PARP8: variants seen among roughly 807,000 people sequenced by gnomAD.
PARP8 encodes protein mono-ADP-ribosyltransferase PARP8.
A neutral mutation model predicts 124.1 loss-of-function variants in PARP8; 51 were observed. The ratio of observed to expected loss-of-function variants is 0.41; its 90% CI spans 0.33 to 0.52. PARP8 has a LOEUF of 0.52. Among genes scored for constraint, PARP8 ranks in the 20% least tolerant of loss-of-function variants. PARP8 has a pLI of 0.21. For missense variants in PARP8, 860 were observed against 1,018.9 expected (o/e 0.84, Z 2.12); for synonymous variants, 391 against 361.5 (o/e 1.08, Z -0.93).
chr5:50,684,239 T>C (rs1751609256), intron 2 of PARP8, among the ~76,000 whole-genome samples: 1 of 152,154 alleles, frequency 6.6e-6, no homozygotes, highest in Non-Finnish European at 1.5e-5. Flanking sequence ...TAAATTAGCA[T>C]AGAAAAGAGG....
intron 2 of PARP8, among the ~76,000 whole-genome samples, chr5:50,700,967 CT>C (rs1279595346): frequency 6.6e-6 from 1 of 152,058 alleles, no homozygotes; most frequent in Admixed American, 6.6e-5. Context: ...CTTCTTGATG[CT>C]ATTGGAGTTT....
intron 7 of PARP8, among the ~76,000 whole-genome samples, chr5:50,763,659 A>G (rs1250573617): frequency 6.6e-6 from 1 of 151,952 alleles, no homozygotes; most frequent in Non-Finnish European, 1.5e-5. Flanking sequence ...GTAACTTTGC[A>G]CAGTACTTGT....
At position 50,794,199 on chromosome 5, in the gene PARP8, A is replaced by G; in HGVS notation, c.738-8A>G. On this transcript the variant is annotated splice_polypyrimidine_tract_variant and splice_region_variant and intron_variant, in intron 10 of 25. Transcript: ENST00000281631. ...ATGGTGATAACAGAATTACCTTTGG[A>G]TTGACAGAATCATGCAGACATTTGT... The G allele has an allele frequency of 1.2e-6, 2 of 1,608,654 alleles. No homozygotes were observed. The highest frequency in any genetic ancestry group is 1.7e-6 in the Non-Finnish European group (2 of 1,177,040).
At chr5:50,812,968 C>G (rs1200841643) in intron 14 of PARP8, among the ~76,000 whole-genome samples, 1 of 152,100 alleles carries the variant, frequency 6.6e-6, no homozygotes, top group African/African-American at 2.4e-5. Flanking sequence ...TGTTTTGGTA[C>G]CAGTACCATG....
chr5:50,683,338 A>G (rs1020027546), intron 2 of PARP8, among the ~76,000 whole-genome samples: 7 of 152,194 alleles, frequency 4.6e-5, no homozygotes, highest in Admixed American at 4.6e-4. Flanking sequence ...AAAGTAGTGC[A>G]GTTAACTCCC....
At chr5:50,776,988 A>G (rs578198673) in intron 7 of PARP8, among the ~76,000 whole-genome samples, 8 of 152,306 alleles carry the variant, frequency 5.3e-5, no homozygotes, top group Admixed American at 1.3e-4. Flanking sequence ...CATCTGCAAA[A>G]TGAATGTCGT....
chr5:50,680,946 A>T (rs1043996162), intron 2 of PARP8, among the ~76,000 whole-genome samples: 7 of 152,174 alleles, frequency 4.6e-5, no homozygotes, highest in African/African-American at 1.7e-4. Flanking sequence ...TTGACAAGGC[A>T]TCTGACTACC....
At chr5:50,693,588 T>G (rs1350770233) in intron 2 of PARP8, among the ~76,000 whole-genome samples, 1 of 151,928 alleles carries the variant, frequency 6.6e-6, no homozygotes, top group African/African-American at 2.4e-5. Flanking sequence ...AAAGTAAAAC[T>G]GCCTATAATT....
In PARP8 at chr5:50,846,091, A is replaced by C. The variant is rs1014057498; in HGVS notation, c.*4023A>C. ...ACATTTACCAGCAAGTCAGTAAAAA[A>C]TAGTGCTTATTTACATAGTCAATAT... On this transcript the variant is annotated 3_prime_UTR_variant, in exon 26 of 26. Coordinates refer to ENST00000281631, the MANE Select transcript of PARP8 (RefSeq NM_024615.4). 1 of 151,842 alleles carries C rather than the reference A, an allele frequency of 6.6e-6. No individual in the cohort carries two copies. Among genetic ancestry groups the C allele is most frequent in the Non-Finnish European group, 1.5e-5 (1 of 67,840 alleles). 9.4% of individuals were successfully genotyped at this position (151,842 alleles called of 1,614,324 possible). A position where few individuals can be genotyped will look rare whatever the true frequency, so the allele number is the denominator to read the frequency against.
chr5:50,667,868 C>CG lies in PARP8; in HGVS notation c.92-197dup, dbSNP rs528345043. 926 of 1,449,248 alleles carry CG rather than the reference C, an allele frequency of 6.4e-4. 5 individuals are homozygous for CG. The Middle Eastern group carries it at 9.1e-3, about 14-fold the overall frequency. 89.8% of individuals were successfully genotyped at this position (1,449,248 alleles called of 1,614,324 possible). A position where few individuals can be genotyped will look rare whatever the true frequency, so the allele number is the denominator to read the frequency against. On this transcript the variant is annotated intron_variant, in intron 1 of 25. Transcript: ENST00000281631. Reference sequence around the variant, plus strand: ...TTGCCATGGCACCCGGCACTTGTTGCGGGGGGCGGCCTCCCGCTGCACCCA... The same window carrying CG: ...TTGCCATGGCACCCGGCACTTGTTGCGGGGGGGCGGCCTCCCGCTGCACCCA...
chr5:50,806,474 C>T (rs2149674356), intron 14 of PARP8, among the ~76,000 whole-genome samples: 1 of 152,050 alleles, frequency 6.6e-6, no homozygotes. Context: ...TCTATATCTG[C>T]AACAATAAAT....
chr5:50,814,422 T>C (rs1490954281), intron 14 of PARP8, among the ~76,000 whole-genome samples: 1 of 152,162 alleles, frequency 6.6e-6, no homozygotes, highest in Non-Finnish European at 1.5e-5. Context: ...AAGAACTTTC[T>C]CTACTTTCTC....
At chr5:50,809,366 TTACTC>T (rs1284369695) in intron 14 of PARP8, among the ~76,000 whole-genome samples, 1 of 152,148 alleles carries the variant, frequency 6.6e-6, no homozygotes, top group Non-Finnish European at 1.5e-5. Flanking sequence ...GAATTTATAT[TTACTC>T]TGCTTATTTC....
At position 50,835,130 on chromosome 5, in the gene PARP8, A is replaced by G. The variant is rs1160552674; in HGVS notation, c.2462+115A>G. 1.1e-5 allele frequency: 8 copies of G among 721,500 alleles called. No homozygotes were observed. In the Middle Eastern group the frequency reaches 7.2e-4, roughly 65 times the overall value. 44.7% of individuals were successfully genotyped at this position (721,500 alleles called of 1,614,324 possible). On this transcript the variant is annotated intron_variant, in intron 25 of 25. Coordinates refer to ENST00000281631, the MANE Select transcript of PARP8 (RefSeq NM_024615.4). ...CAAAATATAACAGGTAATTGAGTTT[A>G]ACATCAACTAATGTTTTTGTTTTAT...
chr5:50,697,497 C>G (rs563294342), intron 2 of PARP8, among the ~76,000 whole-genome samples: 3 of 152,148 alleles, frequency 2.0e-5, no homozygotes, highest in African/African-American at 7.2e-5. Flanking sequence ...TTATATTTAT[C>G]GTTATCTTTT....
intron 3 of PARP8, among the ~76,000 whole-genome samples, chr5:50,753,358 C>T (rs1759471253): frequency 6.6e-6 from 1 of 152,034 alleles, no homozygotes; most frequent in Non-Finnish European, 1.5e-5. Flanking sequence ...ACATGATATA[C>T]TTGAGCATTA....
At chr5:50,783,511 G>C (rs551648270) in intron 9 of PARP8, among the ~76,000 whole-genome samples, 2 of 152,188 alleles carry the variant, frequency 1.3e-5, no homozygotes, top group Admixed American at 1.3e-4. Context: ...TGCTAAGATA[G>C]CAACAGAATT....
intron 2 of PARP8, among the ~76,000 whole-genome samples, chr5:50,690,838 C>T (rs551691521): frequency 6.6e-6 from 1 of 152,236 alleles, no homozygotes; most frequent in East Asian, 1.9e-4. Flanking sequence ...GAAACAAACA[C>T]TCTCTTTCTT....
At chr5:50,789,144 C>T (rs576780312) in intron 10 of PARP8, among the ~76,000 whole-genome samples, 14 of 152,246 alleles carry the variant, frequency 9.2e-5, no homozygotes, top group East Asian at 1.9e-4. Context: ...CCATTCCTAC[C>T]GCTTTGAAAC....
Sources: gnomAD v4.1 joint callset for allele counts (sites outside exome capture counted in the v4.1 genomes callset) on GRCh38, gnomAD v4.1.1 for gene constraint, MANE v1.5 for transcripts, NCBI Gene and HGNC (gene_info 2026-07-23, HGNC 2026-07-21) for gene names.